KNDC1: variants seen among roughly 807,000 people sequenced by gnomAD.
The protein encoded by KNDC1 is kinase non-catalytic C-lobe domain containing 1, also known as kinase non-catalytic C-lobe domain-containing protein 1.
A neutral mutation model predicts 172.8 loss-of-function variants in KNDC1; 106 were observed. The observed-to-expected ratio is 0.61, with a 90% CI of 0.52 to 0.72. The LOEUF (loss-of-function observed/expected upper bound fraction) is 0.72, where lower values mean the gene tolerates loss of function less well. KNDC1 is among the 30% of genes least tolerant of loss of function. The pLI is 0.00. For missense variants in KNDC1, 2,325 were observed against 2,394.5 expected, an observed-to-expected ratio of 0.97 and a Z score of 0.61; for synonymous variants, 1,083 against 1,062.2, an observed-to-expected ratio of 1.02 and a Z score of -0.38.
Position 133,201,160 on chromosome 10 carries a change from G to A in KNDC1, c.2990-341G>A, listed in dbSNP as rs60139056. On this transcript the variant is annotated intron_variant, in intron 16 of 29. Transcript: ENST00000304613. The stretch of plus-strand genomic sequence containing the variant: ...AAATTCCAGAAGAAAAGAGGAGAGC[G>A]TGAGGGGGCAGAGGGACACAGTCCT... 6.4e-3 allele frequency among the ~76,000 whole-genome samples: 971 copies of A among 152,378 alleles called. 12 individuals carry two copies. The highest frequency in any genetic ancestry group is 0.022 in the African/African-American group (908 of 41,590).
At chr10:133,181,003 A>T (rs1366263094) in intron 3 of KNDC1, among the ~76,000 whole-genome samples, 1 of 152,188 alleles carries the variant, frequency 6.6e-6, no homozygotes, top group African/African-American at 2.4e-5. Flanking sequence ...TTGTAAGTGG[A>T]GGTGACCTGG....
At chr10:133,174,937 GAT>G (rs1853484152) in intron 3 of KNDC1, among the ~76,000 whole-genome samples, 1 of 149,254 alleles carries the variant, frequency 6.7e-6, no homozygotes, top group South Asian at 2.2e-4. Flanking sequence ...GGGTGGATGG[GAT>G]TATGAACAGG....
Position 133,206,754 on chromosome 10 carries a change from T to G in KNDC1, c.3457T>G (p.Leu1153Val), listed in dbSNP as rs761879446. The change falls in exon 18 of 30, where the codon TTA becomes GTA. Residue 1153 changes from leucine (L) to valine (V), a missense_variant. Coordinates refer to ENST00000304613, the MANE Select transcript of KNDC1 (RefSeq NM_152643.8). Reference sequence around the variant, plus strand: ...GACCCTGAAGTTCTACCAGAAACTCTTACAGAAGGAAAAGAGGAACAAAGG... The same window carrying G: ...GACCCTGAAGTTCTACCAGAAACTCGTACAGAAGGAAAAGAGGAACAAAGG... ...RKTLKFYQKL[L>V]QKEKRNKGSD... 1.2e-5 allele frequency: 19 copies of G among 1,613,956 alleles called. No homozygotes were observed. The African/African-American group carries it at 2.4e-4, about 20-fold the overall frequency.
intron 1 of KNDC1, among the ~76,000 whole-genome samples, chr10:133,161,726 C>T (rs916861111): frequency 2.0e-5 from 3 of 152,130 alleles, no homozygotes; most frequent in African/African-American, 7.2e-5. Context: ...AAGATCACCT[C>T]GGCTCTGACC....
Position 133,201,644 on chromosome 10 carries a change from G to C in KNDC1, c.3133G>C (p.Ala1045Pro). 1 of 1,613,084 alleles carries C rather than the reference G, an allele frequency of 6.2e-7. No homozygotes were observed. The highest frequency in any genetic ancestry group is 8.5e-7 in the Non-Finnish European group (1 of 1,179,970). The change falls in exon 17 of 30, where the codon GCG (alanine) becomes CCG (proline). Residue 1045 changes from alanine (A) to proline (P), a missense_variant. Coordinates refer to ENST00000304613, the MANE Select transcript of KNDC1 (RefSeq NM_152643.8). ...RPQRSVKAER[A>P]QQPEAGEDRR... is the part of the protein sequence containing the mutation. The stretch of plus-strand genomic sequence containing the variant: ...TCAGAGGTCCGTAAAAGCCGAGAGA[G>C]CGCAGCAGCCTGAGGCTGGCGAGGA...
chr10:133,178,053 T>C (rs910909030), intron 3 of KNDC1, among the ~76,000 whole-genome samples: 2 of 150,170 alleles, frequency 1.3e-5, no homozygotes, highest in Admixed American at 6.6e-5. Context: ...GTGTGTAGCA[T>C]GGTGTGTGTA....
chr10:133,186,041 G>T lies in KNDC1; in HGVS notation c.693G>T (p.Gly231=), dbSNP rs1293826469. ...PGNAGPRRPP[G]DPSTDPEVLP... Reference sequence around the variant, plus strand: ...ACGCTGGGCCCAGGAGGCCGCCCGGGGACCCCAGCACTGACCCGGAGGTTC... The same window carrying T: ...ACGCTGGGCCCAGGAGGCCGCCCGGTGACCCCAGCACTGACCCGGAGGTTC... The change falls in exon 6 of 30, where the codon GGG becomes GGT. Residue 231 remains glycine (G), a synonymous_variant. Coordinates refer to ENST00000304613, the MANE Select transcript of KNDC1 (RefSeq NM_152643.8). 1.9e-6 allele frequency: 3 copies of T among 1,601,206 alleles called. No individual in the cohort carries two copies. The South Asian group carries it at 3.4e-5, about 18-fold the overall frequency.
At chr10:133,177,591 G>A (rs939696246) in intron 3 of KNDC1, among the ~76,000 whole-genome samples, 2 of 151,976 alleles carry the variant, frequency 1.3e-5, no homozygotes, top group African/African-American at 4.8e-5. Context: ...TGTGTATCGG[G>A]CACATGTGCA....
Position 133,212,817 on chromosome 10 carries a change from C to T in KNDC1, c.4338C>T (p.Leu1446=), listed in dbSNP as rs368779457. The change falls in exon 24 of 30, where the codon CTC becomes CTT. Residue 1446 remains leucine (L), a synonymous_variant. Coordinates refer to ENST00000304613, the MANE Select transcript of KNDC1 (RefSeq NM_152643.8). ...CCGCCCTGCCCAAGCCCTGCTTCCTCGAGGACTTCTACGGCCCCTGCGCCA... is the reference window on the plus strand; with the variant it reads ...CCGCCCTGCCCAAGCCCTGCTTCCTTGAGGACTTCTACGGCCCCTGCGCCA... ...IAAALPKPCF[L]EDFYGPCAKT... The T allele has an allele frequency of 5.6e-5, 91 of 1,613,894 alleles. 1 individual carries two copies. In the Middle Eastern group the frequency reaches 8.2e-4, roughly 15 times the overall value.
At chr10:133,206,217 TTAAAAAA>T (rs1456568448) in intron 17 of KNDC1, among the ~76,000 whole-genome samples, 3 of 152,178 alleles carry the variant, frequency 2.0e-5, no homozygotes, top group Non-Finnish European at 2.9e-5. Context: ...AATAACTAAA[TTAAAAAA>T]TAAAAAATAA....
intron 20 of KNDC1, among the ~76,000 whole-genome samples, 185 bp downstream of exon 20, chr10:133,207,536 G>A (rs1845239155): frequency 6.6e-6 from 1 of 152,268 alleles, no homozygotes; most frequent in African/African-American, 2.4e-5. Flanking sequence ...GCCCTGGCCA[G>A]AGTGGCCTCC....
At chr10:133,205,006 AACC>A (rs1342494743) in intron 17 of KNDC1, among the ~76,000 whole-genome samples, 1 of 151,870 alleles carries the variant, frequency 6.6e-6, no homozygotes, top group African/African-American at 2.4e-5. Flanking sequence ...CTCACCCCAG[AACC>A]ACCACCCTCC....
intron 10 of KNDC1, among the ~76,000 whole-genome samples, chr10:133,196,351 C>T (rs540640298): frequency 2.6e-4 from 39 of 152,296 alleles, no homozygotes; most frequent in Admixed American, 5.2e-4. Flanking sequence ...TGGGGACCAG[C>T]GGGTGGACCA....
chr10:133,168,231 T>A (rs1325978720), intron 2 of KNDC1, 23 bp from the exon 3 acceptor site: 1 of 1,610,596 alleles, frequency 6.2e-7, no homozygotes, highest in African/African-American at 1.3e-5. Context: ...AAGCCTTCTC[T>A]CCTTCTCTCT....
chr10:133,181,506 C>G (rs1410070004), intron 3 of KNDC1, among the ~76,000 whole-genome samples: 3 of 152,202 alleles, frequency 2.0e-5, no homozygotes, highest in Non-Finnish European at 4.4e-5. Context: ...GCGTGCACAG[C>G]AGGGAGTCTG....
At chr10:133,184,560 C>G (rs1853837332) in intron 5 of KNDC1, among the ~76,000 whole-genome samples, 1 of 152,256 alleles carries the variant, frequency 6.6e-6, no homozygotes, top group African/African-American at 2.4e-5. Context: ...TGCCTGTTCA[C>G]ACTGCACACG....
chr10:133,183,235 G>A, intron 3 of KNDC1, 109 bp from the exon 4 acceptor site: 5 of 1,313,884 alleles, frequency 3.8e-6, no homozygotes, highest in Non-Finnish European at 4.1e-6. Context: ...CCCCTCAGGG[G>A]AATCTCACGA....
At chr10:133,212,045 C>T (rs1034854548) in intron 23 of KNDC1, among the ~76,000 whole-genome samples, 187 bp downstream of exon 23, 2 of 152,212 alleles carry the variant, frequency 1.3e-5, no homozygotes, top group Non-Finnish European at 2.9e-5. Flanking sequence ...GTGCACATCA[C>T]ACACATCCAC....
chr10:133,177,994 G>T (rs1323280722), intron 3 of KNDC1, among the ~76,000 whole-genome samples: 2 of 150,358 alleles, frequency 1.3e-5, no homozygotes, highest in African/African-American at 4.9e-5. Flanking sequence ...GCAGTGTGGT[G>T]TGCATGTATG....
Sources: gnomAD v4.1 joint callset for allele counts (sites outside exome capture counted in the v4.1 genomes callset) on GRCh38, gnomAD v4.1.1 for gene constraint, MANE v1.5 for transcripts, NCBI Gene and HGNC (gene_info 2026-07-23, HGNC 2026-07-21) for gene names.